SAMD4A: variants seen among roughly 807,000 people sequenced by gnomAD.
SAMD4A encodes sterile alpha motif domain containing 4A.
In SAMD4A, 33 loss-of-function variants were observed where a neutral mutation model predicts 81.3. That is an observed-to-expected ratio of 0.41 (90% CI 0.31 to 0.54). The LOEUF (loss-of-function observed/expected upper bound fraction) is 0.54. SAMD4A is among the 20% of genes least tolerant of loss of function. The probability of loss-of-function intolerance (pLI) is 0.37; values close to 1 mark genes in which losing one functional copy is unlikely to be tolerated. For missense variants in SAMD4A, 854 were observed against 951.1 expected (o/e 0.90, Z 1.34); for synonymous variants, 389 against 382.1 (o/e 1.02, Z -0.21).
intron 2 of SAMD4A, among the ~76,000 whole-genome samples, chr14:54,631,984 G>A (rs1169493237): frequency 6.6e-6 from 1 of 152,204 alleles, no homozygotes; most frequent in Non-Finnish European, 1.5e-5. Flanking sequence ...ACACCAGGTA[G>A]GGTGCTAAAT....
intron 2 of SAMD4A, among the ~76,000 whole-genome samples, chr14:54,654,622 C>T (rs1422669558): frequency 6.6e-6 from 1 of 152,176 alleles, no homozygotes; most frequent in Non-Finnish European, 1.5e-5. Context: ...CATGAAAGAA[C>T]AGGCACTTCA....
chr14:54,686,592 A>G (rs2036276764), intron 2 of SAMD4A, among the ~76,000 whole-genome samples: 1 of 150,626 alleles, frequency 6.6e-6, no homozygotes, highest in African/African-American at 2.4e-5. Flanking sequence ...GCTCAATCTG[A>G]CTGAAACAGG....
At chr14:54,690,573 C>T (rs566992314) in intron 2 of SAMD4A, among the ~76,000 whole-genome samples, 12 of 152,272 alleles carry the variant, frequency 7.9e-5, no homozygotes, top group African/African-American at 2.6e-4. Flanking sequence ...CCCCATTGGT[C>T]TGATTCTCCC....
chr14:54,676,426 G>A (rs369860693), intron 2 of SAMD4A, among the ~76,000 whole-genome samples: 1 of 152,170 alleles, frequency 6.6e-6, no homozygotes, highest in African/African-American at 2.4e-5. Flanking sequence ...AGGCTGGAGT[G>A]CAGTGGCACA....
At chr14:54,698,568 G>A (rs1275689300) in intron 2 of SAMD4A, among the ~76,000 whole-genome samples, 1 of 152,170 alleles carries the variant, frequency 6.6e-6, no homozygotes, top group Non-Finnish European at 1.5e-5. Context: ...AAATGCACAG[G>A]GCTTAGAAGA....
At chr14:54,779,389 C>T (rs769813394) in intron 11 of SAMD4A, among the ~76,000 whole-genome samples, 1 of 152,244 alleles carries the variant, frequency 6.6e-6, no homozygotes, top group Non-Finnish European at 1.5e-5. Flanking sequence ...TTCCTCCTGG[C>T]TGTTAGATGT....
intron 2 of SAMD4A, among the ~76,000 whole-genome samples, chr14:54,603,807 TTTG>T (rs2034126208): frequency 2.0e-5 from 3 of 149,160 alleles, no homozygotes; most frequent in African/African-American, 7.5e-5. Flanking sequence ...TGTTTGTTTG[TTTG>T]TTTATTTGTT....
chr14:54,710,512 A>C (rs577358356), intron 3 of SAMD4A, among the ~76,000 whole-genome samples: 1 of 152,316 alleles, frequency 6.6e-6, no homozygotes, highest in African/African-American at 2.4e-5. Context: ...GAACCTAGGC[A>C]GTGAGGCCCC....
intron 2 of SAMD4A, among the ~76,000 whole-genome samples, chr14:54,569,372 G>C (rs2033061217): frequency 1.3e-5 from 2 of 152,212 alleles, no homozygotes; most frequent in Non-Finnish European, 2.9e-5. Context: ...TAGAATCATA[G>C]GGTGGAAGTG....
Position 54,567,958 on chromosome 14 carries a change from T to C in SAMD4A, c.42T>C (p.Phe14=), listed in dbSNP as rs2032989466. 1.2e-5 allele frequency: 19 copies of C among 1,610,160 alleles called. No homozygotes were observed. The highest frequency in any genetic ancestry group is 1.6e-5 in the Non-Finnish European group (19 of 1,179,338). The part of the protein sequence containing the change: ...RDQVGVLAGW[F]KGWNECEQTV... ...AGGTCGGGGTGCTGGCGGGCTGGTT[T>C]AAGGGCTGGAACGAGTGCGAGCAGA... The change falls in exon 2 of 13, where the codon TTT becomes TTC. Residue 14 remains phenylalanine (F), a synonymous_variant. Coordinates refer to ENST00000554335, the MANE Select transcript of SAMD4A (RefSeq NM_015589.6).
chr14:54,787,956 A>C (rs1429741742), intron 12 of SAMD4A, among the ~76,000 whole-genome samples: 2 of 152,140 alleles, frequency 1.3e-5, no homozygotes, highest in Non-Finnish European at 2.9e-5. Flanking sequence ...ACCCACGTGT[A>C]AGCAGACAGC....
At chr14:54,766,050 C>T (rs896244042) in intron 8 of SAMD4A, among the ~76,000 whole-genome samples, 2 of 152,128 alleles carry the variant, frequency 1.3e-5, no homozygotes, top group African/African-American at 4.8e-5. Flanking sequence ...TTTAACTATA[C>T]CAAAGTACTA....
chr14:54,779,727 C>T (rs2038953728), intron 11 of SAMD4A, among the ~76,000 whole-genome samples: 1 of 148,160 alleles, frequency 6.7e-6, no homozygotes. Flanking sequence ...GTCACCCAGG[C>T]TGGAGTACAG....
In SAMD4A at chr14:54,757,867, T is replaced by G. The variant is rs543388666; in HGVS notation, c.1177-2294T>G. Among the ~76,000 whole-genome samples, 3 of 152,224 alleles carry G rather than the reference T, an allele frequency of 2.0e-5. No individual in the cohort carries two copies. The South Asian group carries it at 6.2e-4, about 32-fold the overall frequency. On this transcript the variant is annotated intron_variant, in intron 6 of 12. Transcript: ENST00000554335. ...GTCCCCTAGTTAGCACGCAGTCTGA[T>G]CAGAAAAGGTGGTAGGTGCTCTCCT...
chr14:54,568,076 G>A lies in SAMD4A; in HGVS notation c.160G>A (p.Glu54Lys). The change falls in exon 2 of 13, where the codon GAG (glutamate) becomes AAG (lysine). Residue 54 changes from glutamate (E) to lysine (K), a missense_variant. Around this residue, in one of 3 missense-constraint regions of SAMD4A, gnomAD observed 387 missense variants for 405.8 expected, o/e 0.95. Coordinates refer to ENST00000554335, the MANE Select transcript of SAMD4A (RefSeq NM_015589.6). ...CLEHSLADCA[E>K]LHVLEREANS... ...GGAGCACTCGCTGGCCGACTGCGCC[G>A]AGCTGCACGTCCTCGAACGCGAGGC... 2 of 1,579,444 alleles carry A rather than the reference G, an allele frequency of 1.3e-6. No homozygotes were observed. The highest frequency in any genetic ancestry group is 1.7e-6 in the Non-Finnish European group (2 of 1,170,572).
At chr14:54,653,379 CA>C (rs1257928992) in intron 2 of SAMD4A, among the ~76,000 whole-genome samples, 1 of 150,132 alleles carries the variant, frequency 6.7e-6, no homozygotes, top group Non-Finnish European at 1.5e-5. Context: ...CCCTGTCACC[CA>C]GGGTGGAGTG....
rs957607618 is a variant in SAMD4A, at chr14:54,702,935, T to C, written c.715+355T>C. ...TGGATTTGCTGAGACACTGAGTTACTGTGTGATTCTCTAAACCTAATTCTA... is the reference window on the plus strand; with the variant it reads ...TGGATTTGCTGAGACACTGAGTTACCGTGTGATTCTCTAAACCTAATTCTA... On this transcript the variant is annotated intron_variant, in intron 3 of 12. Transcript: ENST00000554335. 14 of 231,304 alleles carry C rather than the reference T, an allele frequency of 6.1e-5. No homozygotes were observed. In the Admixed American group the frequency reaches 6.9e-4, roughly 11 times the overall value. 14.3% of individuals were successfully genotyped at this position (231,304 alleles called of 1,614,324 possible).
intron 2 of SAMD4A, chr14:54,688,248 A>T (rs1042820696): frequency 1.0e-6 from 1 of 985,326 alleles, no homozygotes; most frequent in Non-Finnish European, 1.2e-6. Flanking sequence ...TCGTCAGACC[A>T]GTGAGTTGAT....
chr14:54,688,038 G>C, intron 2 of SAMD4A: 1 of 985,766 alleles, frequency 1.0e-6, no homozygotes, highest in Non-Finnish European at 1.2e-6. Flanking sequence ...ACAAAGTGGA[G>C]AGGGAGGAGA....
Sources: gnomAD v4.1 joint callset for allele counts (sites outside exome capture counted in the v4.1 genomes callset) on GRCh38, gnomAD v4.1.1 for gene constraint, gnomAD v4.1.1 regional missense constraint, MANE v1.5 for transcripts, NCBI Gene and HGNC (gene_info 2026-07-23, HGNC 2026-07-21) for gene names.